Variants in TMC1 observed in about 807,000 individuals in gnomAD.
TMC1 encodes the protein transmembrane channel like 1.
Under a neutral mutation model 105.8 loss-of-function variants are expected in TMC1, and 84 were observed. That is an observed-to-expected ratio of 0.79 (90% confidence interval 0.67 to 0.95). The LOEUF is 0.95. Ranked by LOEUF, TMC1 falls within the 40% of genes least tolerant of loss-of-function variation. The pLI is 0.00. For synonymous variants in TMC1, 315 were observed against 311.5 expected, an observed-to-expected ratio of 1.01 and a Z score of -0.12; for missense variants, 817 against 914.1, an observed-to-expected ratio of 0.89 and a Z score of 1.37.
At chr9:72,571,517 G>A (rs1384681647) in intron 1 of TMC1, among the ~76,000 whole-genome samples, 2 of 146,188 alleles carry the variant, frequency 1.4e-5, no homozygotes, top group Non-Finnish European at 1.5e-5. Context: ...GTGCAATCTT[G>A]GCTCACTGCA....
chr9:72,665,873 C>T (rs1382000509), intron 5 of TMC1, among the ~76,000 whole-genome samples: 1 of 152,206 alleles, frequency 6.6e-6, no homozygotes, highest in African/African-American at 2.4e-5. Context: ...TTTTCCCACT[C>T]ACAAGCAAGT....
intron 5 of TMC1, among the ~76,000 whole-genome samples, chr9:72,663,096 A>G (rs1421224744): frequency 3.3e-5 from 5 of 152,176 alleles, no homozygotes; most frequent in Non-Finnish European, 7.3e-5. Context: ...GAAAATTCAG[A>G]GGGTAGGGTT....
At chr9:72,601,342 C>CA (rs1554714622) in intron 2 of TMC1, among the ~76,000 whole-genome samples, 5 of 150,796 alleles carry the variant, frequency 3.3e-5, no homozygotes, top group Non-Finnish European at 7.4e-5. Flanking sequence ...CCTGTCTCTA[C>CA]AAAAAATATT....
intron 5 of TMC1, among the ~76,000 whole-genome samples, chr9:72,672,669 CAG>C (rs1239594919): frequency 1.3e-5 from 2 of 151,896 alleles, no homozygotes; most frequent in African/African-American, 4.8e-5. Flanking sequence ...ATAGAATAAA[CAG>C]ACAAAAATAT....
At chr9:72,829,287 A>T (rs1220083563) in intron 21 of TMC1, among the ~76,000 whole-genome samples, 1 of 152,218 alleles carries the variant, frequency 6.6e-6, no homozygotes, top group Non-Finnish European at 1.5e-5. Context: ...CGGGTATCTA[A>T]GCAGAGTTCA....
At chr9:72,695,605 G>C (rs950566019) in intron 7 of TMC1, among the ~76,000 whole-genome samples, 1 of 152,058 alleles carries the variant, frequency 6.6e-6, no homozygotes, top group East Asian at 1.9e-4. Flanking sequence ...GAAGCATGAG[G>C]AACTTTCTAA....
intron 17 of TMC1, among the ~76,000 whole-genome samples, chr9:72,796,503 A>G (rs1828372094): frequency 6.6e-6 from 1 of 152,220 alleles, no homozygotes. Flanking sequence ...ATTCAGCAGC[A>G]CATCAAATGG....
At chr9:72,540,351 A>G (rs903991590) in intron 1 of TMC1, among the ~76,000 whole-genome samples, 4 of 152,046 alleles carry the variant, frequency 2.6e-5, no homozygotes. Context: ...ATTTTATTCC[A>G]TTTATTCTTC....
At chr9:72,574,453 T>A (rs767169622) in intron 1 of TMC1, among the ~76,000 whole-genome samples, 13 of 152,258 alleles carry the variant, frequency 8.5e-5, no homozygotes, top group Non-Finnish European at 1.8e-4. Flanking sequence ...CAGCAGAGAC[T>A]GCTCCCATTT....
chr9:72,772,270 G>T, intron 12 of TMC1, 143 bp from the exon 13 acceptor site: 1 of 999,182 alleles, frequency 1.0e-6, no homozygotes. Flanking sequence ...TTCACTTTAT[G>T]GAGCAAAACA....
chr9:72,766,362 A>G (rs1393874510), intron 12 of TMC1, among the ~76,000 whole-genome samples: 1 of 151,168 alleles, frequency 6.6e-6, no homozygotes, highest in Non-Finnish European at 1.5e-5. Context: ...GCTTGCAGTG[A>G]GCCGAAATTG....
intron 5 of TMC1, among the ~76,000 whole-genome samples, chr9:72,664,677 G>A (rs1464224255): frequency 6.6e-6 from 1 of 152,118 alleles, no homozygotes; most frequent in East Asian, 1.9e-4. Flanking sequence ...AACTCCAGGG[G>A]AAGATCATCT....
chr9:72,743,199 C>G (rs1242265884), intron 10 of TMC1, among the ~76,000 whole-genome samples: 6 of 151,460 alleles, frequency 4.0e-5, no homozygotes, highest in South Asian at 2.1e-4. Flanking sequence ...AACCCCGTCT[C>G]TACTAAAAAT....
chr9:72,658,787 G>T (rs371391182), intron 5 of TMC1, among the ~76,000 whole-genome samples: 3 of 152,234 alleles, frequency 2.0e-5, no homozygotes, highest in South Asian at 4.1e-4. Context: ...AGAAGGAGCT[G>T]ATGGGGTGAA....
chr9:72,832,614 G>A (rs1034687459), intron 23 of TMC1, among the ~76,000 whole-genome samples: 15 of 152,084 alleles, frequency 9.9e-5, no homozygotes, highest in African/African-American at 3.6e-4. Context: ...AAGGAGAAAA[G>A]GATGCTGGGT....
chr9:72,606,969 ATG>A (rs1227438933), intron 2 of TMC1, among the ~76,000 whole-genome samples: 6 of 130,008 alleles, frequency 4.6e-5, no homozygotes, highest in Admixed American at 1.6e-4. Context: ...GTATGTATGT[ATG>A]TGTGTGTGTG....
intron 1 of TMC1, among the ~76,000 whole-genome samples, chr9:72,529,958 T>C (rs1823471589): frequency 6.6e-6 from 1 of 152,104 alleles, no homozygotes; most frequent in Non-Finnish European, 1.5e-5. Context: ...CCCTCTCTAA[T>C]AGATTTTGTC....
chr9:72,742,379 G>A, intron 9 of TMC1, 65 bp from the exon 10 acceptor site: 1 of 1,253,434 alleles, frequency 8.0e-7, no homozygotes, highest in East Asian at 2.4e-5. Context: ...GTTTTGAGGT[G>A]GGGGATAAAC....
chr9:72,806,520 C>T (rs1398849279), intron 18 of TMC1, among the ~76,000 whole-genome samples: 3 of 149,044 alleles, frequency 2.0e-5, no homozygotes, highest in Admixed American at 6.6e-5. Context: ...GGCTGCCGGG[C>T]GGAGGGGCTC....
Sources: allele counts gnomAD v4.1 joint callset (sites outside exome capture counted in the v4.1 genomes callset), GRCh38; gene constraint gnomAD v4.1.1; transcripts MANE v1.5; gene names NCBI Gene and HGNC (gene_info 2026-07-23, HGNC 2026-07-21).